The following VPS13B variants were observed in gnomAD, a reference collection of about 807,000 sequenced individuals.
The protein encoded by VPS13B is intermembrane lipid transfer protein VPS13B.
VPS13B carries 285 observed loss-of-function variants against 426.4 expected under a neutral mutation model. The ratio of observed to expected loss-of-function variants is 0.67; its 90% CI spans 0.61 to 0.74. The LOEUF is 0.74. Among genes scored for constraint, VPS13B ranks in the 30% least tolerant of loss-of-function variants. VPS13B has a pLI of 0.00. For synonymous variants in VPS13B, 1,676 were observed against 1,676.4 expected (o/e 1.00, Z 0.01); for missense variants, 4,537 against 4,782.6 (o/e 0.95, Z 1.51).
intron 17 of VPS13B, among the ~76,000 whole-genome samples, chr8:99,208,256 C>T (rs1199743364): frequency 6.6e-6 from 1 of 152,124 alleles, no homozygotes; most frequent in Non-Finnish European, 1.5e-5. Context: ...CCTCATGACC[C>T]AAACACCTCC....
At chr8:99,308,114 A>T (rs1432015312) in intron 19 of VPS13B, among the ~76,000 whole-genome samples, 1 of 151,750 alleles carries the variant, frequency 6.6e-6, no homozygotes, top group Non-Finnish European at 1.5e-5. Flanking sequence ...CTGAGAAGAT[A>T]CTTGATATAA....
intron 30 of VPS13B, among the ~76,000 whole-genome samples, chr8:99,540,514 T>C (rs1823558356): frequency 6.6e-6 from 1 of 152,206 alleles, no homozygotes; most frequent in African/African-American, 2.4e-5. Flanking sequence ...TTGTTCTCAG[T>C]TCATAAAGTT....
chr8:99,870,503 T>C (rs896628846), intron 59 of VPS13B, among the ~76,000 whole-genome samples: 5 of 152,206 alleles, frequency 3.3e-5, no homozygotes, highest in Admixed American at 6.5e-5. Context: ...GTCTAGGCTA[T>C]TGTTCATGAC....
chr8:99,113,084 G>T lies in VPS13B; in HGVS notation c.762+1805G>T, dbSNP rs191781723. On this transcript the variant is annotated intron_variant, in intron 6 of 61. Transcript: ENST00000357162. The stretch of plus-strand genomic sequence containing the variant: ...CCTCTGTTTCCCTCCCCTCTCCTCC[G>T]CTTTCTCTCCTTTTTTCTTTCTCCT... Among the ~76,000 whole-genome samples the T allele has an allele frequency of 3.6e-3, 375 of 105,390 alleles. 5 individuals are homozygous for T. Among genetic ancestry groups the T allele is most frequent in the Non-Finnish European group, 3.0e-3 (167 of 56,310 alleles). 69.1% of individuals were successfully genotyped at this position (105,390 alleles called of 152,430 possible). A position where few individuals can be genotyped will look rare whatever the true frequency, so the allele number is the denominator to read the frequency against.
At chr8:99,027,630 T>C (rs964769859) in intron 2 of VPS13B, among the ~76,000 whole-genome samples, 1 of 152,198 alleles carries the variant, frequency 6.6e-6, no homozygotes, top group Non-Finnish European at 1.5e-5. Flanking sequence ...TATGGTAATC[T>C]TGGCTCACAG....
intron 35 of VPS13B, among the ~76,000 whole-genome samples, chr8:99,693,351 T>C (rs1221495459): frequency 6.6e-6 from 1 of 150,566 alleles, no homozygotes; most frequent in Non-Finnish European, 1.5e-5. Flanking sequence ...TCCACCATGA[T>C]CAAGTGGGCA....
chr8:99,167,550 T>C (rs1323856722), intron 15 of VPS13B, among the ~76,000 whole-genome samples: 1 of 152,054 alleles, frequency 6.6e-6, no homozygotes, highest in African/African-American at 2.4e-5. Flanking sequence ...CTTTTTAAAA[T>C]AGCAAATTCT....
At chr8:99,030,757 C>T (rs1180865827) in intron 2 of VPS13B, among the ~76,000 whole-genome samples, 2 of 152,162 alleles carry the variant, frequency 1.3e-5, no homozygotes, top group African/African-American at 4.8e-5. Context: ...TTTCACTTTG[C>T]AAACATTTAT....
At chr8:99,615,347 G>A (rs913763907) in intron 33 of VPS13B, among the ~76,000 whole-genome samples, 2 of 152,134 alleles carry the variant, frequency 1.3e-5, no homozygotes, top group African/African-American at 4.8e-5. Flanking sequence ...GGCTTTGAAA[G>A]ACAGCAAATT....
At chr8:99,193,163 A>G in intron 17 of VPS13B, 106 bp downstream of exon 17, 2 of 1,140,910 alleles carry the variant, frequency 1.8e-6, no homozygotes, top group South Asian at 1.4e-5. Context: ...TTAAATTGTA[A>G]TATGTTTCTT....
chr8:99,053,660 G>T (rs971996585), intron 3 of VPS13B, among the ~76,000 whole-genome samples: 2 of 147,888 alleles, frequency 1.4e-5, no homozygotes, highest in African/African-American at 2.5e-5. Flanking sequence ...ATATGACAAG[G>T]TTCCTTTTTT....
At chr8:99,082,427 A>G (rs1488934790) in intron 3 of VPS13B, among the ~76,000 whole-genome samples, 3 of 152,106 alleles carry the variant, frequency 2.0e-5, no homozygotes, top group African/African-American at 7.2e-5. Context: ...GTTCACTCTG[A>G]TGGTGGTTTC....
intron 17 of VPS13B, among the ~76,000 whole-genome samples, chr8:99,261,826 T>C (rs1384774447): frequency 2.0e-5 from 3 of 152,178 alleles, no homozygotes; most frequent in Non-Finnish European, 4.4e-5. Flanking sequence ...TTGTGATTCA[T>C]ACAATTTTAG....
At chr8:99,327,591 A>G (rs1374002718) in intron 19 of VPS13B, among the ~76,000 whole-genome samples, 2 of 152,166 alleles carry the variant, frequency 1.3e-5, no homozygotes, top group Non-Finnish European at 2.9e-5. Context: ...GAGACTAGAG[A>G]TAGGGCAGTC....
chr8:99,693,280 G>A (rs1012808224), intron 35 of VPS13B, among the ~76,000 whole-genome samples: 23 of 150,038 alleles, frequency 1.5e-4, no homozygotes, highest in African/African-American at 4.9e-4. Context: ...GATGAACATT[G>A]ATGCAAAAAT....
chr8:99,343,758 T>A (rs2133192513), intron 19 of VPS13B, among the ~76,000 whole-genome samples: 1 of 152,338 alleles, frequency 6.6e-6, no homozygotes, highest in South Asian at 2.1e-4. Flanking sequence ...AAATGTCTTT[T>A]CAATCATTTA....
intron 33 of VPS13B, among the ~76,000 whole-genome samples, chr8:99,603,482 C>T (rs1255089409): frequency 1.3e-5 from 2 of 152,140 alleles, no homozygotes; most frequent in East Asian, 3.8e-4. Context: ...TAATGCTTGT[C>T]CTTTAGGGCC....
chr8:99,805,257 A>C (rs1164692721), intron 43 of VPS13B, among the ~76,000 whole-genome samples: 1 of 151,804 alleles, frequency 6.6e-6, no homozygotes, highest in African/African-American at 2.4e-5. Context: ...AAAAAAATAC[A>C]CAAATGAGTG....
intron 17 of VPS13B, among the ~76,000 whole-genome samples, chr8:99,264,875 G>T (rs1818224712): frequency 6.6e-6 from 1 of 151,572 alleles, no homozygotes; most frequent in South Asian, 2.1e-4. Flanking sequence ...TTTAGATATT[G>T]GATTGCTTAT....
Sources: allele counts gnomAD v4.1 joint callset (sites outside exome capture counted in the v4.1 genomes callset), GRCh38; gene constraint gnomAD v4.1.1; transcripts MANE v1.5; gene names NCBI Gene and HGNC (gene_info 2026-07-23, HGNC 2026-07-21).